ACTL6A: variants seen among roughly 807,000 people sequenced by gnomAD.
The protein encoded by ACTL6A is actin-like protein 6A.
Under a neutral mutation model 59.2 loss-of-function variants are expected in ACTL6A, and 5 were observed. The ratio of observed to expected loss-of-function variants is 0.08; its 90% CI spans 0.04 to 0.18. The LOEUF is 0.18. Ranked by LOEUF, ACTL6A falls within the 10% of genes least tolerant of loss-of-function variation. ACTL6A has a pLI of 1.00. For synonymous variants in ACTL6A, 154 were observed against 171.8 expected, an observed-to-expected ratio of 0.90 and a Z score of 0.81; for missense variants, 285 against 526.9, an observed-to-expected ratio of 0.54 and a Z score of 4.49.
At chr3:179,586,104 G>C (rs1718479571) in intron 12 of ACTL6A, among the ~76,000 whole-genome samples, 1 of 152,110 alleles carries the variant, frequency 6.6e-6, no homozygotes, top group Non-Finnish European at 1.5e-5. Flanking sequence ...TGTTAGGTGT[G>C]GATTTGCTAT....
At chr3:179,572,703 C>G (rs1025356221) in intron 3 of ACTL6A, among the ~76,000 whole-genome samples, 1 of 151,800 alleles carries the variant, frequency 6.6e-6, no homozygotes, top group African/African-American at 2.4e-5. Flanking sequence ...TACTCGGGAG[C>G]CTGAGGGAGG....
chr3:179,567,035 A>G (rs370696349), intron 1 of ACTL6A, among the ~76,000 whole-genome samples: 1 of 152,164 alleles, frequency 6.6e-6, no homozygotes, highest in East Asian at 1.9e-4. Context: ...TTAGGACCCA[A>G]TCTAATGATT....
At chr3:179,585,600 C>G (rs1718464610) in intron 12 of ACTL6A, among the ~76,000 whole-genome samples, 1 of 152,106 alleles carries the variant, frequency 6.6e-6, no homozygotes, top group Admixed American at 6.5e-5. Flanking sequence ...TTACCCTATC[C>G]CCAGTACCTT....
At chr3:179,563,969 C>T (rs1044118459) in intron 1 of ACTL6A, among the ~76,000 whole-genome samples, 2 of 152,104 alleles carry the variant, frequency 1.3e-5, no homozygotes, top group African/African-American at 4.8e-5. Flanking sequence ...CTTCAGGCCT[C>T]ATTTATGGAA....
At chr3:179,569,736 A>G in intron 1 of ACTL6A, 88 bp from the exon 2 acceptor site, 1 of 1,119,024 alleles carries the variant, frequency 8.9e-7, no homozygotes. Context: ...GGATTGCTTG[A>G]GCCTAGGAGG....
intron 3 of ACTL6A, among the ~76,000 whole-genome samples, chr3:179,572,402 T>C (rs1718034772): frequency 6.6e-6 from 1 of 152,208 alleles, no homozygotes; most frequent in Admixed American, 6.5e-5. Context: ...ACATTTTTTC[T>C]TTGGGCTGTG....
At chr3:179,564,142 A>G (rs550519895) in intron 1 of ACTL6A, among the ~76,000 whole-genome samples, 3 of 152,246 alleles carry the variant, frequency 2.0e-5, no homozygotes, top group Admixed American at 2.0e-4. Flanking sequence ...TAGAGCCTCC[A>G]TTTTTGCAAG....
intron 8 of ACTL6A, among the ~76,000 whole-genome samples, chr3:179,580,324 G>C (rs1718300118): frequency 6.6e-6 from 1 of 152,180 alleles, no homozygotes. Flanking sequence ...TTATTTTTAA[G>C]GAGAAAGTGG....
rs1374130303 is a variant in ACTL6A, at chr3:179,588,053, T to C, written c.*43T>C. 7.0e-7 allele frequency: 1 copy of C among 1,427,062 alleles called. No homozygotes were observed. Among genetic ancestry groups the C allele is most frequent in the East Asian group, 2.4e-5 (1 of 42,212 alleles). 88.4% of individuals were successfully genotyped at this position (1,427,062 alleles called of 1,614,324 possible). A position where few individuals can be genotyped will look rare whatever the true frequency, so the allele number is the denominator to read the frequency against. On this transcript the variant is annotated 3_prime_UTR_variant, in exon 14 of 14. Coordinates refer to ENST00000429709, the MANE Select transcript of ACTL6A (RefSeq NM_004301.5). The stretch of plus-strand genomic sequence containing the variant: ...TCTACCTTCCTTTTGTCACCTTACG[T>C]TTCATAGCTTTAGTATACTCAGGAA...
chr3:179,580,744 G>A, intron 9 of ACTL6A, 43 bp downstream of exon 9: 1 of 1,460,374 alleles, frequency 6.8e-7, no homozygotes. Flanking sequence ...AATGAGGAAA[G>A]GATTTGTTTA....
chr3:179,573,548 A>G (rs1202287569), intron 4 of ACTL6A, 79 bp downstream of exon 4: 9 of 917,576 alleles, frequency 9.8e-6, no homozygotes, highest in African/African-American at 2.0e-5. Flanking sequence ...TTTTCTACTC[A>G]TTTGATGAAC....
chr3:179,582,619 C>G (rs570456783), intron 11 of ACTL6A, among the ~76,000 whole-genome samples: 1 of 152,014 alleles, frequency 6.6e-6, no homozygotes, highest in African/African-American at 2.4e-5. Flanking sequence ...GATAAGCATT[C>G]TTTTTCAAAA....
chr3:179,568,620 C>T (rs916171604), intron 1 of ACTL6A, among the ~76,000 whole-genome samples: 2 of 151,630 alleles, frequency 1.3e-5, no homozygotes, highest in African/African-American at 4.9e-5. Context: ...TAAAACTAAG[C>T]ATTCTTTTAG....
At chr3:179,587,192 T>C (rs77101974) in intron 13 of ACTL6A, among the ~76,000 whole-genome samples, 13,538 of 151,928 alleles carry the variant, frequency 0.089, 1,626 homozygotes, top group African/African-American at 0.27. Flanking sequence ...GTATATATAG[T>C]TACTTATGTA....
At chr3:179,583,603 T>C in intron 12 of ACTL6A, 155 bp downstream of exon 12, 1 of 532,008 alleles carries the variant, frequency 1.9e-6, no homozygotes, top group Non-Finnish European at 3.3e-6. Flanking sequence ...TTAATCGTTT[T>C]CCTAGTTGAC....
intron 1 of ACTL6A, among the ~76,000 whole-genome samples, chr3:179,563,335 C>T (rs1455954734): frequency 6.6e-6 from 1 of 152,126 alleles, no homozygotes; most frequent in Non-Finnish European, 1.5e-5. Context: ...TCTCTGTGGC[C>T]TCTTCCTGCC....
intron 5 of ACTL6A, chr3:179,575,346 G>C: frequency 2.2e-6 from 1 of 456,106 alleles, no homozygotes; most frequent in South Asian, 1.6e-5. Flanking sequence ...CTCAGGAATA[G>C]GTTTCCCTTT....
chr3:179,579,721 G>A (rs1027420082), intron 8 of ACTL6A, among the ~76,000 whole-genome samples: 1 of 152,214 alleles, frequency 6.6e-6, no homozygotes, highest in African/African-American at 2.4e-5. Flanking sequence ...ATGGGAGATG[G>A]AGGTTGCATT....
At chr3:179,567,106 CTA>C (rs1409500426) in intron 1 of ACTL6A, among the ~76,000 whole-genome samples, 1 of 152,110 alleles carries the variant, frequency 6.6e-6, no homozygotes, top group Non-Finnish European at 1.5e-5. Flanking sequence ...TAGCTCACGT[CTA>C]TAATCCTAGC....
Sources: allele counts gnomAD v4.1 joint callset (sites outside exome capture counted in the v4.1 genomes callset), GRCh38; gene constraint gnomAD v4.1.1; transcripts MANE v1.5; gene names NCBI Gene and HGNC (gene_info 2026-07-23, HGNC 2026-07-21).